Variants in RPGR observed in about 807,000 individuals in gnomAD.
RPGR encodes the protein X-linked retinitis pigmentosa GTPase regulator.
Under a neutral mutation model 56.3 loss-of-function variants are expected in RPGR, and 10 were observed. That is an observed-to-expected ratio of 0.18 (90% CI 0.11 to 0.30). The LOEUF (loss-of-function observed/expected upper bound fraction) is 0.30. Among genes scored for constraint, RPGR ranks in the 10% least tolerant of loss-of-function variants. RPGR has a pLI of 1.00. For synonymous variants in RPGR, 197 were observed against 212.9 expected (o/e 0.93, Z 0.65); for missense variants, 538 against 590.9 (o/e 0.91, Z 0.93).
chrX:38,321,192 C>T, intron 3 of RPGR, 103 bp from the exon 4 acceptor site: 1 of 621,554 alleles, frequency 1.6e-6, no homozygotes, highest in South Asian at 2.4e-5. Flanking sequence ...TAATAGCGGG[C>T]TTGTCTGATT....
At chrX:38,270,414 A>G (rs2147154656) in intron 18 of RPGR, among the ~76,000 whole-genome samples, 1 of 99,940 alleles carries the variant, frequency 1.0e-5, no homozygotes, top group South Asian at 4.8e-4. Context: ...GGAGATCGAG[A>G]CTGTTCTGGC....
At chrX:38,316,325 C>G (rs2067828555) in intron 6 of RPGR, among the ~76,000 whole-genome samples, 1 of 111,159 alleles carries the variant, frequency 9.0e-6, no homozygotes, top group Non-Finnish European at 1.9e-5. Context: ...CAAAAAAAAG[C>G]TCAATGTAAT....
At chrX:38,318,513 A>C (rs1050264883) in intron 5 of RPGR, among the ~76,000 whole-genome samples, 4 of 110,489 alleles carry the variant, frequency 3.6e-5, no homozygotes, top group Non-Finnish European at 7.5e-5. Flanking sequence ...TGCAAGTATA[A>C]CTTTAAGAGC....
chrX:38,286,426 C>G, intron 15 of RPGR: 1 of 960,143 alleles, frequency 1.0e-6, no homozygotes, highest in Non-Finnish European at 1.3e-6. Context: ...TTCTTCCTCC[C>G]CTTTCCCTTC....
intron 11 of RPGR, among the ~76,000 whole-genome samples, chrX:38,292,934 A>G (rs1285392999): frequency 8.9e-6 from 1 of 111,950 alleles, no homozygotes; most frequent in Admixed American, 9.5e-5. Flanking sequence ...GCAAATGAGT[A>G]GAGGAAAGAA....
At chrX:38,277,202 C>A (rs777741800) in intron 15 of RPGR, among the ~76,000 whole-genome samples, 1 of 111,979 alleles carries the variant, frequency 8.9e-6, no homozygotes, top group South Asian at 3.7e-4. Context: ...GTACGATTCA[C>A]TGACAGTCAT....
At chrX:38,285,323 G>A in intron 15 of RPGR, 2 of 1,062,282 alleles carry the variant, frequency 1.9e-6, no homozygotes, top group Middle Eastern at 3.8e-4. Flanking sequence ...TAATTTGGGG[G>A]GGAAATACAC....
At chrX:38,303,118 G>T (rs764613338) in intron 8 of RPGR, among the ~76,000 whole-genome samples, 1 of 110,857 alleles carries the variant, frequency 9.0e-6, no homozygotes, top group South Asian at 3.7e-4. Flanking sequence ...TTTTCAACCT[G>T]ATTTCTTTAC....
At chrX:38,327,130 C>T (rs1216393655) in intron 1 of RPGR, among the ~76,000 whole-genome samples, 1 of 112,564 alleles carries the variant, frequency 8.9e-6, no homozygotes, top group East Asian at 2.8e-4. Context: ...ATACGAAAGA[C>T]AGGCACCCTC....
intron 4 of RPGR, among the ~76,000 whole-genome samples, chrX:38,319,415 A>G (rs763203299): frequency 2.7e-5 from 3 of 112,448 alleles, no homozygotes; most frequent in Non-Finnish European, 5.6e-5. Context: ...GGCAAATCCA[A>G]GAAGAATCTA....
intron 14 of RPGR, chrX:38,287,555 T>C (rs1337930025): frequency 2.0e-6 from 1 of 503,943 alleles, no homozygotes; most frequent in Non-Finnish European, 3.5e-6. Context: ...AAATCTTTAT[T>C]TTCTTCACTC....
intron 8 of RPGR, among the ~76,000 whole-genome samples, chrX:38,303,977 A>T (rs1202108568): frequency 8.9e-6 from 1 of 112,565 alleles, no homozygotes; most frequent in Non-Finnish European, 1.9e-5. Flanking sequence ...GACTATATCA[A>T]TTACCTACAT....
intron 9 of RPGR, among the ~76,000 whole-genome samples, 194 bp from the exon 10 acceptor site, chrX:38,299,335 A>G (rs1408536132): frequency 8.9e-6 from 1 of 112,558 alleles, no homozygotes; most frequent in African/African-American, 3.2e-5. Context: ...TAGGTACACA[A>G]TTACCATACA....
chrX:38,316,329 A>G (rs1240931388), intron 6 of RPGR, among the ~76,000 whole-genome samples: 1 of 111,839 alleles, frequency 8.9e-6, no homozygotes, highest in Admixed American at 9.5e-5. Context: ...AAAAAGCTCA[A>G]TGTAATGCCT....
At position 38,288,015 on chromosome X, in the gene RPGR, C is replaced by T. The variant is rs368883287; in HGVS notation, c.1599G>A (p.Thr533=). ...CGTTTTCAGTAAGAGCTGTATCCTG[C>T]GTCAGTTCCCCAATTGTTTGTTGTT... is the stretch of plus-strand genomic sequence containing the variant. Residue 533 remains threonine (T), a synonymous_variant, in exon 14 of 19, where the codon ACG becomes ACA. Transcript: ENST00000642395. 4.1e-6 allele frequency: 5 copies of T among 1,207,746 alleles called. No individual in the cohort carries two copies. Among genetic ancestry groups the T allele is most frequent in the African/African-American group, 1.7e-5 (1 of 57,159 alleles).
At chrX:38,305,751 TAAAATAAAATAAAATA>T (rs2067586846) in intron 7 of RPGR, among the ~76,000 whole-genome samples, 1 of 2,669 alleles carries the variant, frequency 3.7e-4, no homozygotes, top group African/African-American at 6.7e-4. Flanking sequence ...ATCTCAAAAA[TAAAATAAAATAAAATA>T]AAATAAAATA....
chrX:38,310,720 G>C lies in RPGR; in HGVS notation c.673C>G (p.Pro225Ala). The change falls in exon 7 of 19, where the codon CCC becomes GCC. Residue 225 changes from proline to alanine, a missense_variant. Physicochemically the swap from Pro to Ala is conservative, Grantham distance 27. This residue lies in a region of RPGR where 181 missense variants were observed against 265.1 expected (regional missense o/e 0.68). Transcript: ENST00000642395. ...CTGTGATTGCCCAGGAGCTGATTGG[G>C]AAGACCTAACTTCCCATTCTCAGGT... 3 of 1,210,453 alleles carry C rather than the reference G, an allele frequency of 2.5e-6. No homozygotes were observed. The highest frequency in any genetic ancestry group is 3.4e-6 in the Non-Finnish European group (3 of 894,942).
At chrX:38,307,986 T>C (rs1347486312) in intron 7 of RPGR, 1 of 112,210 alleles carries the variant, frequency 8.9e-6, no homozygotes, top group East Asian at 2.8e-4. Flanking sequence ...GTTCTCATAA[T>C]TTTTTAAACT....
At chrX:38,310,399 G>A (rs758804935) in intron 7 of RPGR, among the ~76,000 whole-genome samples, 1 of 111,371 alleles carries the variant, frequency 9.0e-6, no homozygotes, top group South Asian at 3.8e-4. Context: ...TGGGCGTGAA[G>A]TTTCAGTTAC....
Sources: allele counts gnomAD v4.1 joint callset (sites outside exome capture counted in the v4.1 genomes callset), GRCh38; gene constraint gnomAD v4.1.1; regional missense constraint gnomAD v4.1.1; transcripts MANE v1.5; gene names NCBI Gene and HGNC (gene_info 2026-07-23, HGNC 2026-07-21).